THADA: variants seen among roughly 807,000 people sequenced by gnomAD.
The protein encoded by THADA is THADA armadillo repeat containing, also known as tRNA (32-2'-O)-methyltransferase regulator THADA.
Under a neutral mutation model 219.8 loss-of-function variants are expected in THADA, and 213 were observed. The ratio of observed to expected loss-of-function variants is 0.97; its 90% CI spans 0.87 to 1.09. The LOEUF is 1.09. THADA is among the 50% of genes least tolerant of loss of function. THADA has a pLI of 0.00. For synonymous variants in THADA, 1,018 were observed against 828.9 expected (o/e 1.23, Z -3.92); for missense variants, 2,956 against 2,311.3 (o/e 1.28, Z -5.72).
intron 36 of THADA, among the ~76,000 whole-genome samples, chr2:43,260,825 G>C (rs1670848156): frequency 6.6e-6 from 1 of 152,150 alleles, no homozygotes; most frequent in Non-Finnish European, 1.5e-5. Context: ...TTATGTAGCT[G>C]TTTGAAATGG....
chr2:43,483,273 C>A (rs763761742), intron 26 of THADA, among the ~76,000 whole-genome samples: 4 of 152,078 alleles, frequency 2.6e-5, no homozygotes, highest in Non-Finnish European at 5.9e-5. Flanking sequence ...TGAAAAAGGT[C>A]CTTCCTTCAG....
chr2:43,406,593 T>G (rs924905587), intron 28 of THADA, among the ~76,000 whole-genome samples: 1 of 152,222 alleles, frequency 6.6e-6, no homozygotes, highest in African/African-American at 2.4e-5. Flanking sequence ...TTCCTGACTC[T>G]GGGAAAAATA....
intron 36 of THADA, among the ~76,000 whole-genome samples, chr2:43,238,357 A>G (rs1239020443): frequency 2.6e-5 from 4 of 152,188 alleles, no homozygotes; most frequent in Non-Finnish European, 5.9e-5. Flanking sequence ...AATACTCTTA[A>G]TAAACACATG....
intron 31 of THADA, among the ~76,000 whole-genome samples, chr2:43,310,820 T>C (rs1677415346): frequency 6.6e-6 from 1 of 152,200 alleles, no homozygotes; most frequent in South Asian, 2.1e-4. Context: ...TTGCAAACTG[T>C]GTGTCTTATA....
chr2:43,235,176 C>T (rs978010950), intron 36 of THADA, among the ~76,000 whole-genome samples: 3 of 152,092 alleles, frequency 2.0e-5, no homozygotes, highest in Non-Finnish European at 2.9e-5. Context: ...GATGGGGTTT[C>T]ACCATGTTGG....
intron 25 of THADA, among the ~76,000 whole-genome samples, chr2:43,494,852 T>A (rs1048939724): frequency 4.6e-5 from 7 of 152,214 alleles, no homozygotes; most frequent in African/African-American, 1.7e-4. Flanking sequence ...GAGATCTGTA[T>A]GGTTTCAATA....
At chr2:43,454,602 AACACACAC>A (rs35970227) in intron 26 of THADA, among the ~76,000 whole-genome samples, 2 of 149,082 alleles carry the variant, frequency 1.3e-5, no homozygotes, top group East Asian at 2.0e-4. Flanking sequence ...ACCCTGTCTA[AACACACAC>A]ACACACACAC....
chr2:43,274,988 C>A (rs1007361173), intron 36 of THADA, among the ~76,000 whole-genome samples: 8 of 121,754 alleles, frequency 6.6e-5, no homozygotes, highest in African/African-American at 2.2e-4. Context: ...CCTTTCTTTT[C>A]TTTTCTTTTC....
chr2:43,468,147 T>G (rs2104951830), intron 26 of THADA, among the ~76,000 whole-genome samples: 1 of 152,366 alleles, frequency 6.6e-6, no homozygotes, highest in African/African-American at 2.4e-5. Context: ...ATATTTTAAA[T>G]AAATGAAAAT....
intron 22 of THADA, among the ~76,000 whole-genome samples, chr2:43,527,172 A>C (rs957148523): frequency 6.6e-6 from 1 of 152,224 alleles, no homozygotes; most frequent in African/African-American, 2.4e-5. Flanking sequence ...CAAGGCTGGC[A>C]GAACTCTGCT....
At chr2:43,449,372 AAGAG>A (rs1045180380) in intron 26 of THADA, among the ~76,000 whole-genome samples, 2 of 151,864 alleles carry the variant, frequency 1.3e-5, no homozygotes, top group African/African-American at 2.4e-5. Flanking sequence ...CTAGAAGGAG[AAGAG>A]AGAGAGAGAA....
Position 43,577,179 on chromosome 2 carries a change from A to T in THADA, c.880T>A (p.Cys294Ser). 1 of 1,607,566 alleles carries T rather than the reference A, an allele frequency of 6.2e-7. No homozygotes were observed. Among genetic ancestry groups the T allele is most frequent in the Non-Finnish European group, 8.5e-7 (1 of 1,177,164 alleles). Reference sequence around the variant, plus strand: ...ATGTCACCACAACAGAGGCTCCTGCAGCTGCTCATAAACCACTCGGGGACA... The same window carrying T: ...ATGTCACCACAACAGAGGCTCCTGCTGCTGCTCATAAACCACTCGGGGACA... ...TSVPEWFMSSCRSLCCGDISQ... is the reference protein window; with the variant it reads ...TSVPEWFMSSSRSLCCGDISQ... The change falls in exon 10 of 38, where the codon TGC becomes AGC. Residue 294 changes from cysteine to serine, a missense_variant. By Grantham distance (112) the Cys-to-Ser change is moderately radical (BLOSUM62 -1). Coordinates refer to ENST00000405975, the MANE Select transcript of THADA (RefSeq NM_022065.5).
intron 30 of THADA, among the ~76,000 whole-genome samples, chr2:43,336,506 C>G (rs566122030): frequency 6.6e-6 from 1 of 151,876 alleles, no homozygotes; most frequent in South Asian, 2.1e-4. Flanking sequence ...TCCTGACCTC[C>G]GGTGACCCAC....
intron 28 of THADA, among the ~76,000 whole-genome samples, chr2:43,408,055 T>C (rs931330000): frequency 6.6e-6 from 1 of 152,254 alleles, no homozygotes; most frequent in African/African-American, 2.4e-5. Flanking sequence ...CCTACTGCTC[T>C]AACTAGTGTT....
intron 31 of THADA, among the ~76,000 whole-genome samples, chr2:43,306,777 C>G (rs143131417): frequency 1.5e-4 from 23 of 152,220 alleles, no homozygotes; most frequent in African/African-American, 5.5e-4. Flanking sequence ...TAGGTTAATT[C>G]TGCCAGGTAA....
intron 29 of THADA, among the ~76,000 whole-genome samples, chr2:43,377,870 C>A (rs1376892174): frequency 2.6e-5 from 4 of 152,076 alleles, no homozygotes; most frequent in Non-Finnish European, 5.9e-5. Context: ...GAATTACAAC[C>A]CTTGGGAAAG....
At chr2:43,319,748 T>C (rs139981265) in intron 31 of THADA, among the ~76,000 whole-genome samples, 52 of 152,338 alleles carry the variant, frequency 3.4e-4, no homozygotes, top group African/African-American at 1.2e-3. Flanking sequence ...TTTTAACCAG[T>C]TGCAGACTCA....
At chr2:43,400,964 T>C (rs1365864431) in intron 28 of THADA, among the ~76,000 whole-genome samples, 1 of 152,188 alleles carries the variant, frequency 6.6e-6, no homozygotes, top group Non-Finnish European at 1.5e-5. Flanking sequence ...AGGAAGAGTC[T>C]CAAGCCCTTC....
chr2:43,254,413 C>T lies in THADA; in HGVS notation c.5297-21531G>A, dbSNP rs574124327. ...CTTAGCCTTGGAATTCTCAGTTACACGATCCAGTATGCCTCCCTTATGCTG... is the reference window on the plus strand; with the variant it reads ...CTTAGCCTTGGAATTCTCAGTTACATGATCCAGTATGCCTCCCTTATGCTG... On this transcript the variant is annotated intron_variant, in intron 36 of 37. Coordinates refer to ENST00000405975, the MANE Select transcript of THADA (RefSeq NM_022065.5). 6.6e-5 allele frequency among the ~76,000 whole-genome samples: 10 copies of T among 152,092 alleles called. No homozygotes were observed. The South Asian group carries it at 1.2e-3, about 19-fold the overall frequency.
Sources: gnomAD v4.1 joint callset for allele counts (sites outside exome capture counted in the v4.1 genomes callset) on GRCh38, gnomAD v4.1.1 for gene constraint, MANE v1.5 for transcripts, NCBI Gene and HGNC (gene_info 2026-07-23, HGNC 2026-07-21) for gene names.